C6orf89: variants seen among roughly 807,000 people sequenced by gnomAD.
C6orf89 encodes the protein chromosome 6 open reading frame 89.
A neutral mutation model predicts 40.7 loss-of-function variants in C6orf89; 29 were observed. The observed-to-expected ratio is 0.71, with a 90% confidence interval of 0.53 to 0.97. The LOEUF is 0.97. C6orf89 is among the 50% of genes least tolerant of loss of function. The pLI is 0.00. For synonymous variants in C6orf89, 165 were observed against 152.2 expected (o/e 1.08, Z -0.62); for missense variants, 392 against 429.1 (o/e 0.91, Z 0.76).
At chr6:36,877,288 A>G (rs768199602) in intron 1 of C6orf89, among the ~76,000 whole-genome samples, 4 of 152,174 alleles carry the variant, frequency 2.6e-5, no homozygotes, top group Non-Finnish European at 5.9e-5. Flanking sequence ...GGTAACATGT[A>G]TAATTTAGTA....
chr6:36,899,669 G>T, intron 3 of C6orf89, 36 bp downstream of exon 3: 1 of 1,578,272 alleles, frequency 6.3e-7, no homozygotes, highest in South Asian at 1.1e-5. Flanking sequence ...TGCTTCAACA[G>T]AACACAAACT....
chr6:36,881,957 T>G (rs1774824096), upstream of C6orf89, among the ~76,000 whole-genome samples: 1 of 152,282 alleles, frequency 6.6e-6, no homozygotes, highest in South Asian at 2.1e-4. Flanking sequence ...AAAAATACAC[T>G]AATGGAAACA....
In C6orf89 at chr6:36,926,886, T is replaced by C. The variant is rs1332899618; in HGVS notation, c.*3445T>C. The C allele has an allele frequency of 2.6e-5, 4 of 152,248 alleles. No homozygotes were observed. Among genetic ancestry groups the C allele is most frequent in the African/African-American group, 9.6e-5 (4 of 41,452 alleles). The allele number at this position is 152,248 out of a possible 1,614,324, so 9.4% of individuals were successfully genotyped here. On this transcript the variant is annotated 3_prime_UTR_variant, in exon 9 of 9. Transcript: ENST00000480824. ...CGAAGAAGACAGCTGTGGATGTCGT[T>C]GACTCAGATGTGCCTCCGTTGGGGT...
At chr6:36,901,317 TATTA>T (rs1432605576) in intron 3 of C6orf89, among the ~76,000 whole-genome samples, 23 of 57,378 alleles carry the variant, frequency 4.0e-4, no homozygotes, top group Admixed American at 6.3e-4. Flanking sequence ...TTATTATTAT[TATTA>T]TTTTTTTTTT....
upstream of C6orf89, among the ~76,000 whole-genome samples, chr6:36,881,674 C>T (rs866480269): frequency 2.0e-5 from 3 of 151,872 alleles, no homozygotes; most frequent in South Asian, 4.2e-4. Context: ...AACTCCATCT[C>T]GAAAAAACAA....
Position 36,926,630 on chromosome 6 carries a change from T to C in C6orf89, c.*3189T>C, listed in dbSNP as rs1298687154. ...GGGAGGGGAGGAGAGGAGAGCAGAT[T>C]GGGGGGGCTCATGTTCTGAGAGAAA... On this transcript the variant is annotated 3_prime_UTR_variant, in exon 9 of 9. Coordinates refer to ENST00000480824, the MANE Select transcript of C6orf89 (RefSeq NM_001286635.2). 1 of 134,960 alleles carries C rather than the reference T, an allele frequency of 7.4e-6. No individual in the cohort carries two copies. Among genetic ancestry groups the C allele is most frequent in the Non-Finnish European group, 1.6e-5 (1 of 62,234 alleles). The allele number at this position is 134,960 out of a possible 1,614,324, so 8.4% of individuals were successfully genotyped here. A position where few individuals can be genotyped will look rare whatever the true frequency, so the allele number is the denominator to read the frequency against.
intron 4 of C6orf89, among the ~76,000 whole-genome samples, chr6:36,913,577 C>A (rs1583192119): frequency 6.6e-6 from 1 of 152,228 alleles, no homozygotes; most frequent in East Asian, 1.9e-4. Context: ...CACCAGCCCC[C>A]CTGTGCTGTA....
At chr6:36,919,495 A>G (rs755909126) in intron 7 of C6orf89, 83 bp from the exon 8 acceptor site, 46 of 1,503,060 alleles carry the variant, frequency 3.1e-5, no homozygotes, top group Non-Finnish European at 4.0e-5. Context: ...CCATATGTGA[A>G]AGCATTTTTA....
At position 36,923,483 on chromosome 6, in the gene C6orf89, C is replaced by T. The variant is rs762640790; in HGVS notation, c.*42C>T. ...CAGGAACAGCTTCCAGAGCCGAAAA[C>T]CAGGTTGAAAGGGGAAAAATAAAAA... On this transcript the variant is annotated 3_prime_UTR_variant, in exon 9 of 9. Transcript: ENST00000480824. The T allele has an allele frequency of 1.3e-6, 2 of 1,504,242 alleles. No homozygotes were observed. The highest frequency in any genetic ancestry group is 1.9e-6 in the Non-Finnish European group (2 of 1,080,234). The allele number at this position is 1,504,242 out of a possible 1,614,324, so 93.2% of individuals were successfully genotyped here.
At chr6:36,880,837 T>C (rs1774787143) in intron 2 of C6orf89, among the ~76,000 whole-genome samples, 1 of 152,178 alleles carries the variant, frequency 6.6e-6, no homozygotes, top group Non-Finnish European at 1.5e-5. Flanking sequence ...AAATGACTGG[T>C]TGTTTAAAAA....
At chr6:36,876,018 G>A (rs775325193) in intron 1 of C6orf89, among the ~76,000 whole-genome samples, 6 of 152,322 alleles carry the variant, frequency 3.9e-5, no homozygotes, top group South Asian at 2.1e-4. Context: ...AATAATGAAC[G>A]GAACACTACA....
At chr6:36,874,011 C>G (rs1474770739) in intron 1 of C6orf89, among the ~76,000 whole-genome samples, 8 of 152,172 alleles carry the variant, frequency 5.3e-5, no homozygotes, top group Non-Finnish European at 1.2e-4. Flanking sequence ...ATGAATAGAG[C>G]TAAAGGATCT....
At chr6:36,894,927 A>AT (rs1292010661) in intron 2 of C6orf89, among the ~76,000 whole-genome samples, 2 of 152,102 alleles carry the variant, frequency 1.3e-5, no homozygotes, top group African/African-American at 2.4e-5. Flanking sequence ...CAATCCTCTT[A>AT]TTTTTTGGAT....
rs1340015412 is a variant in C6orf89 at position 36,902,437 on chromosome 6, A to G, written c.403+3A>G. 2 of 1,612,414 alleles carry G rather than the reference A, an allele frequency of 1.2e-6. No homozygotes were observed. The highest frequency in any genetic ancestry group is 1.7e-6 in the Non-Finnish European group (2 of 1,178,434). On this transcript the variant is annotated splice_donor_region_variant and intron_variant, in intron 4 of 8. Transcript: ENST00000480824. ...TGATGAAGACAGACCCTTTCCAGGT[A>G]AAATGCAACATTTATTACTTATTAG...
At position 36,923,399 on chromosome 6, in the gene C6orf89, G is replaced by A. The variant is rs762564049; in HGVS notation, c.1002G>A (p.Gln334=). 5 of 1,614,190 alleles carry A rather than the reference G, an allele frequency of 3.1e-6. No homozygotes were observed. The highest frequency in any genetic ancestry group is 4.2e-6 in the Non-Finnish European group (5 of 1,180,000). ...TCTACGTTATAGCCAGAGGGGTCCAGCCTTTGGTCATCTGCGATGGAACCG... is the reference window on the plus strand; with the variant it reads ...TCTACGTTATAGCCAGAGGGGTCCAACCTTTGGTCATCTGCGATGGAACCG... ...WKVYVIARGV[Q]PLVICDGTAF... The change falls in exon 9 of 9, where the codon CAG becomes CAA. Residue 334 remains glutamine (Q), a synonymous_variant. Coordinates refer to ENST00000480824, the MANE Select transcript of C6orf89 (RefSeq NM_001286635.2).
chr6:36,872,174 G>A (rs113475646), intron 1 of C6orf89, among the ~76,000 whole-genome samples: 1 of 151,622 alleles, frequency 6.6e-6, no homozygotes, highest in South Asian at 2.1e-4. Context: ...AGCTATATCT[G>A]ATTATCTGAA....
At chr6:36,898,448 T>G (rs539107211) in intron 2 of C6orf89, among the ~76,000 whole-genome samples, 1 of 151,818 alleles carries the variant, frequency 6.6e-6, no homozygotes, top group South Asian at 2.1e-4. Context: ...CCAGGCTAAT[T>G]TAGTATTTTT....
At chr6:36,913,978 T>C (rs1762221299) in intron 4 of C6orf89, among the ~76,000 whole-genome samples, 1 of 152,160 alleles carries the variant, frequency 6.6e-6, no homozygotes, top group Non-Finnish European at 1.5e-5. Flanking sequence ...CTGGGCAACA[T>C]GGCAAGACCC....
At chr6:36,876,172 T>G (rs1478626895) in intron 1 of C6orf89, among the ~76,000 whole-genome samples, 1 of 152,216 alleles carries the variant, frequency 6.6e-6, no homozygotes, top group Non-Finnish European at 1.5e-5. Flanking sequence ...TCTCTGGACT[T>G]TATGTAGTTC....
Sources: gnomAD v4.1 joint callset for allele counts (sites outside exome capture counted in the v4.1 genomes callset) on GRCh38, gnomAD v4.1.1 for gene constraint, MANE v1.5 for transcripts, NCBI Gene and HGNC (gene_info 2026-07-23, HGNC 2026-07-21) for gene names.